UBR4: variants seen among roughly 807,000 people sequenced by gnomAD.
The protein encoded by UBR4 is E3 ubiquitin-protein ligase UBR4.
Under a neutral mutation model 575.6 loss-of-function variants are expected in UBR4, and 124 were observed. That is an observed-to-expected ratio of 0.22 (90% CI 0.19 to 0.25). The LOEUF is 0.25. Among genes scored for constraint, UBR4 ranks in the 10% least tolerant of loss-of-function variants. UBR4 has a pLI of 1.00. For synonymous variants in UBR4, 2,455 were observed against 2,473.7 expected (o/e 0.99, Z 0.22); for missense variants, 4,818 against 6,478.8 (o/e 0.74, Z 8.80).
rs1383292680 is a variant in UBR4, at chr1:19,089,407, C to A, written c.14212-430G>T. On this transcript the variant is annotated intron_variant, in intron 97 of 105. Coordinates refer to ENST00000375254, the MANE Select transcript of UBR4 (RefSeq NM_020765.3). The surrounding 1 kb of genome is among the most constrained non-coding windows in gnomAD (Gnocchi z 4.3). ...CTGGACGTTCTCCTAAGGACCTGCC[C>A]TGAGTTCTCCACGGGAGCCCCTGGG... 6.6e-6 allele frequency among the ~76,000 whole-genome samples: 1 copy of A among 152,178 alleles called. No homozygotes were observed. The highest frequency in any genetic ancestry group is 1.5e-5 in the Non-Finnish European group (1 of 68,036).
intron 97 of UBR4, 155 bp downstream of exon 97, chr1:19,092,664 T>A: frequency 1.8e-6 from 1 of 562,666 alleles, no homozygotes; most frequent in Non-Finnish European, 3.0e-6. Context: ...AAATACAACT[T>A]ACTTCTCTCA....
At chr1:19,140,558 G>A (rs752217972) in intron 58 of UBR4, among the ~76,000 whole-genome samples, 2 of 152,244 alleles carry the variant, frequency 1.3e-5, no homozygotes, top group Non-Finnish European at 2.9e-5. Flanking sequence ...CTTTTCCGTG[G>A]GGAAGTAGCT....
At chr1:19,168,322 T>C (rs2088863600) in intron 27 of UBR4, 138 bp from the exon 28 acceptor site, 5 of 753,928 alleles carry the variant, frequency 6.6e-6, no homozygotes, top group African/African-American at 5.4e-5. Flanking sequence ...TACACTGTTA[T>C]TCATGCTGGG....
intron 97 of UBR4, among the ~76,000 whole-genome samples, chr1:19,091,175 C>T (rs181963092): frequency 9.9e-5 from 15 of 151,686 alleles, no homozygotes; most frequent in Admixed American, 3.9e-4. Flanking sequence ...GGCCAAATCA[C>T]AACCGTGTTC....
At chr1:19,188,366 C>A (rs977066725) in intron 11 of UBR4, among the ~76,000 whole-genome samples, 1 of 152,090 alleles carries the variant, frequency 6.6e-6, no homozygotes, top group African/African-American at 2.4e-5. Flanking sequence ...CCAACCTGGG[C>A]AACATGGCAA....
At chr1:19,189,615 A>G (rs540072179) in intron 11 of UBR4, among the ~76,000 whole-genome samples, 1 of 152,292 alleles carries the variant, frequency 6.6e-6, no homozygotes, top group East Asian at 1.9e-4. Context: ...TACCAATTTG[A>G]GTGGTAGAAT....
chr1:19,163,683 G>T, intron 34 of UBR4, 81 bp downstream of exon 34: 1 of 1,450,734 alleles, frequency 6.9e-7, no homozygotes, highest in Non-Finnish European at 9.7e-7. Context: ...AACTCAATAG[G>T]AACGAGAGAC....
chr1:19,105,237 C>T lies in UBR4; in HGVS notation c.12504-48G>A, dbSNP rs200142309. 881 of 1,582,958 alleles carry T rather than the reference C, an allele frequency of 5.6e-4. 1 individual carries two copies. The highest frequency in any genetic ancestry group is 7.1e-4 in the Non-Finnish European group (825 of 1,167,142). On this transcript the variant is annotated intron_variant, in intron 84 of 105. Coordinates refer to ENST00000375254, the MANE Select transcript of UBR4 (RefSeq NM_020765.3). ...ACTCTAGTCAAGAACTCTAGCATTTCGAACAGCTCCAAGGCTCCCCTTTCT... is the reference window on the plus strand; with the variant it reads ...ACTCTAGTCAAGAACTCTAGCATTTTGAACAGCTCCAAGGCTCCCCTTTCT...
Position 19,151,753 on chromosome 1 carries a change from A to G in UBR4, c.7103T>C (p.Ile2368Thr), listed in dbSNP as rs1239787924. ...TQAIERAPSY[I>T]EIFGRTMQLN... ...CTGCATAGTTCTGCCGAAGATCTCG[A>G]TATATGACGGGGCCCGTTCTATTGC... The change falls in exon 48 of 106, where the codon ATC becomes ACC. Residue 2368 changes from isoleucine (I) to threonine (T), a missense_variant. Ile to Thr is a moderately conservative substitution (Grantham distance 89). This residue lies in a region of UBR4 where 461 missense variants were observed against 606.9 expected (regional missense o/e 0.76). Transcript: ENST00000375254. The G allele has an allele frequency of 6.2e-7, 1 of 1,614,160 alleles. No individual in the cohort carries two copies. Among genetic ancestry groups the G allele is most frequent in the Non-Finnish European group, 8.5e-7 (1 of 1,180,022 alleles).
chr1:19,133,928 A>T (rs1411833263), intron 60 of UBR4, among the ~76,000 whole-genome samples: 1 of 151,888 alleles, frequency 6.6e-6, no homozygotes. Context: ...AAAATACAAT[A>T]ATTAGCTGGG....
intron 102 of UBR4, 77 bp from the exon 103 acceptor site, chr1:19,081,650 C>CTTGTG: frequency 6.6e-7 from 1 of 1,509,706 alleles, no homozygotes; most frequent in South Asian, 1.1e-5. Context: ...AGAATTTGCT[C>CTTGTG]AATTTGTCGT....
rs181823424 is a variant in UBR4, at chr1:19,155,408, G to A, written c.6300+33C>T. On this transcript the variant is annotated intron_variant, in intron 43 of 105. Coordinates refer to ENST00000375254, the MANE Select transcript of UBR4 (RefSeq NM_020765.3). ...GAGGAGTTGCTAAATAATTAAATCC[G>A]GAATAGAAGGAAATAGCAACATGTG... is the stretch of plus-strand genomic sequence containing the variant. 4.0e-5 allele frequency: 63 copies of A among 1,579,394 alleles called. No individual in the cohort carries two copies. The East Asian group carries it at 1.0e-3, about 26-fold the overall frequency.
At position 19,141,435 on chromosome 1, in the gene UBR4, G is replaced by C; in HGVS notation, c.8400C>G (p.Phe2800Leu). The change falls in exon 57 of 106, where the codon TTC (phenylalanine) becomes TTG (leucine). Residue 2800 changes from phenylalanine (F) to leucine (L), a missense_variant. Phe to Leu is a conservative substitution (Grantham distance 22). Coordinates refer to ENST00000375254, the MANE Select transcript of UBR4 (RefSeq NM_020765.3). ...CAGGTGGGATGTCCAGCATGGGGGG[G>C]AAGCCCTCTGCGCCTGCCAGCAGGG... ...LEALLAGAEG[F>L]PPMLDIPPDA... is the part of the protein sequence containing the mutation. 6.2e-7 allele frequency: 1 copy of C among 1,614,246 alleles called. No homozygotes were observed. The highest frequency in any genetic ancestry group is 8.5e-7 in the Non-Finnish European group (1 of 1,180,038).
rs143052374 is a variant in UBR4, at chr1:19,165,739, G to A, written c.4128C>T (p.Ile1376=). The A allele has an allele frequency of 1.3e-4, 207 of 1,614,030 alleles. No homozygotes were observed. In the African/African-American group the frequency reaches 2.1e-3, roughly 16 times the overall value. The change falls in exon 30 of 106, where the codon ATC becomes ATT. Residue 1376 remains isoleucine (I), a synonymous_variant. Transcript: ENST00000375254. The part of the protein sequence containing the change: ...ADPNSGLDES[I]LEECLQYLEK... ...CCAAGTACTGGAGACATTCCTCCAGGATGGATTCATCCAGTCCACTGAGGA... is the reference window on the plus strand; with the variant it reads ...CCAAGTACTGGAGACATTCCTCCAGAATGGATTCATCCAGTCCACTGAGGA...
chr1:19,120,446 C>G, intron 68 of UBR4, 98 bp from the exon 69 acceptor site: 1 of 1,441,236 alleles, frequency 6.9e-7, no homozygotes, highest in Non-Finnish European at 9.4e-7. Context: ...GGAATTCTGT[C>G]CATTTCTAAA....
chr1:19,131,432 A>T (rs1307424962), intron 60 of UBR4, among the ~76,000 whole-genome samples: 1 of 152,164 alleles, frequency 6.6e-6, no homozygotes, highest in Admixed American at 6.5e-5. Context: ...CTTATTCATG[A>T]AAAAAGGTTA....
rs759083545 is a variant in UBR4, at chr1:19,187,449, G to A, written c.1486C>T (p.Leu496Phe). The stretch of plus-strand genomic sequence containing the variant: ...GGGGATAACCTCCTCACCTTGTGAA[G>A]GGCCTCCACTTGTAGGTCTTGAAAG... ...SLFQDLQVEALHKGWETDGPP... is the reference protein window; with the variant it reads ...SLFQDLQVEAFHKGWETDGPP... Residue 496 changes from leucine (L) to phenylalanine (F), a missense_variant, in exon 12 of 106, where the codon CTT (leucine) becomes TTT (phenylalanine). This residue lies in a region of UBR4 where 162 missense variants were observed against 216.4 expected (regional missense o/e 0.75). Coordinates refer to ENST00000375254, the MANE Select transcript of UBR4 (RefSeq NM_020765.3). 3 of 1,614,082 alleles carry A rather than the reference G, an allele frequency of 1.9e-6. No homozygotes were observed. The highest frequency in any genetic ancestry group is 2.5e-6 in the Non-Finnish European group (3 of 1,179,994).
At chr1:19,174,164 A>G (rs1228816852) in intron 22 of UBR4, among the ~76,000 whole-genome samples, 155 bp downstream of exon 22, 3 of 152,258 alleles carry the variant, frequency 2.0e-5, no homozygotes, top group African/African-American at 7.2e-5. Context: ...TTTAAGGTGA[A>G]CATAGCTACA....
chr1:19,079,622 G>A (rs1425362562), intron 103 of UBR4: 1 of 152,212 alleles, frequency 6.6e-6, no homozygotes, highest in Non-Finnish European at 1.5e-5. Context: ...TGACTTACAG[G>A]ACTTAGGACA....
Sources: allele counts gnomAD v4.1 joint callset (sites outside exome capture counted in the v4.1 genomes callset), GRCh38; gene constraint gnomAD v4.1.1; regional missense constraint gnomAD v4.1.1; non-coding constraint Gnocchi (gnomAD v3.1); transcripts MANE v1.5; gene names NCBI Gene and HGNC (gene_info 2026-07-23, HGNC 2026-07-21).